Variants in ADGRB3 observed in about 807,000 individuals in gnomAD.
ADGRB3 encodes adhesion G protein-coupled receptor B3.
Under a neutral mutation model 193.4 loss-of-function variants are expected in ADGRB3, and 37 were observed. The observed-to-expected ratio is 0.19, with a 90% CI of 0.15 to 0.25. The LOEUF (loss-of-function observed/expected upper bound fraction) is 0.25, where lower values mean the gene tolerates loss of function less well. Among genes scored for constraint, ADGRB3 ranks in the 10% least tolerant of loss-of-function variants. ADGRB3 has a pLI of 1.00. For synonymous variants in ADGRB3, 690 were observed against 644.2 expected (o/e 1.07, Z -1.08); for missense variants, 1,637 against 1,852.9 (o/e 0.88, Z 2.14).
At chr6:68,996,909 A>G (rs1031426408) in intron 11 of ADGRB3, among the ~76,000 whole-genome samples, 1 of 152,196 alleles carries the variant, frequency 6.6e-6, no homozygotes. Context: ...ATTAACAACA[A>G]AAGTAGTGGT....
At position 69,031,523 on chromosome 6, in the gene ADGRB3, T is replaced by C. The variant is rs189073318; in HGVS notation, c.2107+13024T>C. Among the ~76,000 whole-genome samples the C allele has an allele frequency of 3.6e-3, 166 of 46,700 alleles. 1 individual carries two copies. Among genetic ancestry groups the C allele is most frequent in the African/African-American group, 8.0e-3 (163 of 20,440 alleles). 30.6% of individuals were successfully genotyped at this position (46,700 alleles called of 152,430 possible). A position where few individuals can be genotyped will look rare whatever the true frequency, so the allele number is the denominator to read the frequency against. On this transcript the variant is annotated intron_variant, in intron 13 of 31. Coordinates refer to ENST00000370598, the MANE Select transcript of ADGRB3 (RefSeq NM_001704.3). ...AACATTTTGAATTTGAGTTGTCTCT[T>C]TCTTTCTTTCTTTCTTTCTTTCTTT...
At chr6:69,235,962 C>A (rs1158611450) in intron 19 of ADGRB3, among the ~76,000 whole-genome samples, 3 of 151,460 alleles carry the variant, frequency 2.0e-5, no homozygotes, top group Non-Finnish European at 4.4e-5. Flanking sequence ...GAAAAATAAT[C>A]TAAATATTTT....
intron 3 of ADGRB3, among the ~76,000 whole-genome samples, chr6:68,785,995 G>C (rs1285886854): frequency 6.6e-6 from 1 of 152,020 alleles, no homozygotes; most frequent in Non-Finnish European, 1.5e-5. Context: ...CCCACTTTTT[G>C]ATGGGGTTGT....
intron 17 of ADGRB3, among the ~76,000 whole-genome samples, chr6:69,152,226 A>G (rs530816320): frequency 2.0e-5 from 3 of 152,304 alleles, no homozygotes; most frequent in African/African-American, 7.2e-5. Flanking sequence ...TTATGTTTCA[A>G]AAATGTATGC....
intron 11 of ADGRB3, among the ~76,000 whole-genome samples, chr6:69,003,201 A>G (rs1769634795): frequency 6.6e-6 from 1 of 152,218 alleles, no homozygotes; most frequent in African/African-American, 2.4e-5. Flanking sequence ...CAAAAATGGA[A>G]CAAAAATTTA....
At chr6:68,745,042 G>A (rs187868316) in intron 3 of ADGRB3, among the ~76,000 whole-genome samples, 2 of 152,066 alleles carry the variant, frequency 1.3e-5, no homozygotes, top group Non-Finnish European at 2.9e-5. Flanking sequence ...CTGTGGGTGA[G>A]TGGTTACACT....
chr6:68,697,269 T>G (rs1311277116), intron 3 of ADGRB3, among the ~76,000 whole-genome samples: 2 of 152,022 alleles, frequency 1.3e-5, no homozygotes, highest in African/African-American at 4.8e-5. Flanking sequence ...TATTTTAAGA[T>G]GGACTTCTTA....
chr6:69,214,667 G>A lies in ADGRB3; in HGVS notation c.2481-18623G>A, dbSNP rs931407250. On this transcript the variant is annotated intron_variant, in intron 17 of 31. Transcript: ENST00000370598. ...CTTTGAAGCATGCTGGGTATCAGGA[G>A]GGAATAAGAAGTTTTCTAGCCCTAA... Among the ~76,000 whole-genome samples the A allele has an allele frequency of 2.6e-5, 4 of 151,928 alleles. No individual in the cohort carries two copies. In the East Asian group the frequency reaches 5.9e-4, roughly 22 times the overall value.
At chr6:68,729,860 A>G (rs1765739849) in intron 3 of ADGRB3, among the ~76,000 whole-genome samples, 1 of 151,572 alleles carries the variant, frequency 6.6e-6, no homozygotes, top group South Asian at 2.1e-4. Flanking sequence ...ACTTCTGGAC[A>G]CCAAAAATCT....
chr6:69,301,135 T>C (rs1181785328), intron 20 of ADGRB3, among the ~76,000 whole-genome samples: 1 of 151,668 alleles, frequency 6.6e-6, no homozygotes, highest in Non-Finnish European at 1.5e-5. Context: ...CTACAGATAT[T>C]GAAAGTATTA....
rs746540706 is a variant in ADGRB3 at position 69,338,999 on chromosome 6, C to T, written c.3272C>T (p.Thr1091Ile). 6.2e-7 allele frequency: 1 copy of T among 1,613,788 alleles called. No individual in the cohort carries two copies. The highest frequency in any genetic ancestry group is 8.5e-7 in the Non-Finnish European group (1 of 1,179,798). Residue 1091 changes from threonine (T) to isoleucine (I), a missense_variant, in exon 25 of 32, where the codon ACC (threonine) becomes ATC (isoleucine). Coordinates refer to ENST00000370598, the MANE Select transcript of ADGRB3 (RefSeq NM_001704.3). ...VVSTTALSAT[T>I]ASNAMASLWS... ...TCAACAACAGCTTTGTCAGCCACCA[C>T]CGCCAGTAACGCCATGTTAGTCCCA... is the stretch of plus-strand genomic sequence containing the variant.
chr6:69,267,399 G>A (rs6920904), intron 20 of ADGRB3, among the ~76,000 whole-genome samples: 7,548 of 152,114 alleles, frequency 0.05, 231 homozygotes, highest in Non-Finnish European at 0.072. Context: ...CAGGCTACCC[G>A]GAGTCCATTA....
chr6:68,782,749 T>C lies in ADGRB3; in HGVS notation c.757+143317T>C, dbSNP rs542715003. 4.7e-4 allele frequency among the ~76,000 whole-genome samples: 72 copies of C among 152,204 alleles called. 2 individuals carry two copies. The South Asian group carries it at 0.014, about 30-fold the overall frequency. On this transcript the variant is annotated intron_variant, in intron 3 of 31. Coordinates refer to ENST00000370598, the MANE Select transcript of ADGRB3 (RefSeq NM_001704.3). ...TGATGATGAGCATTTTTTCATGTGT[T>C]TTTTGGCTGCATAAATGTCTTCTTT...
intron 3 of ADGRB3, among the ~76,000 whole-genome samples, chr6:68,794,890 G>A (rs1767176764): frequency 6.6e-6 from 1 of 152,048 alleles, no homozygotes; most frequent in Admixed American, 6.6e-5. Flanking sequence ...TCCTAAGATG[G>A]CAAAACACTC....
At chr6:69,206,590 G>A (rs983826140) in intron 17 of ADGRB3, among the ~76,000 whole-genome samples, 1 of 151,948 alleles carries the variant, frequency 6.6e-6, no homozygotes, top group South Asian at 2.1e-4. Flanking sequence ...AACCAGAAAC[G>A]CACCAATCCC....
At chr6:68,787,349 G>A (rs1207381259) in intron 3 of ADGRB3, among the ~76,000 whole-genome samples, 4 of 151,918 alleles carry the variant, frequency 2.6e-5, no homozygotes, top group Non-Finnish European at 1.5e-5. Context: ...ATTGATTGAG[G>A]GTTTTTAGCA....
rs141309309 is a variant in ADGRB3, at chr6:69,014,582, C to A, written c.1998+476C>A. Reference sequence around the variant, plus strand: ...AATTATGTTATGATTTTTTAAAAATCTTTTTGTTATGCTTTATCAGTGTAG... The same window carrying A: ...AATTATGTTATGATTTTTTAAAAATATTTTTGTTATGCTTTATCAGTGTAG... On this transcript the variant is annotated intron_variant, in intron 12 of 31. Coordinates refer to ENST00000370598, the MANE Select transcript of ADGRB3 (RefSeq NM_001704.3). Among the ~76,000 whole-genome samples the A allele has an allele frequency of 3.1e-3, 478 of 151,850 alleles. 2 individuals are homozygous for A. The highest frequency in any genetic ancestry group is 6.8e-3 in the Middle Eastern group (2 of 294).
At chr6:68,785,434 G>A (rs1766946683) in intron 3 of ADGRB3, among the ~76,000 whole-genome samples, 1 of 150,538 alleles carries the variant, frequency 6.6e-6, no homozygotes, top group African/African-American at 2.4e-5. Context: ...GTGATAGTTT[G>A]CTGAGAATGA....
intron 20 of ADGRB3, among the ~76,000 whole-genome samples, chr6:69,294,539 T>C (rs1452523331): frequency 6.6e-6 from 1 of 152,066 alleles, no homozygotes; most frequent in Non-Finnish European, 1.5e-5. Flanking sequence ...AGCCTTTGGG[T>C]TCTCTACAAT....
Sources: allele counts gnomAD v4.1 joint callset (sites outside exome capture counted in the v4.1 genomes callset), GRCh38; gene constraint gnomAD v4.1.1; transcripts MANE v1.5; gene names NCBI Gene and HGNC (gene_info 2026-07-23, HGNC 2026-07-21).